Variants in NRG1 observed in about 807,000 individuals in gnomAD.
NRG1 encodes neuregulin 1.
A neutral mutation model predicts 63.8 loss-of-function variants in NRG1; 18 were observed. That is an observed-to-expected ratio of 0.28 (90% CI 0.19 to 0.42). NRG1 has a LOEUF of 0.42. NRG1 is among the 10% of genes least tolerant of loss of function. NRG1 has a pLI of 1.00. For missense variants in NRG1, 762 were observed against 814.7 expected, an observed-to-expected ratio of 0.94 and a Z score of 0.79; for synonymous variants, 302 against 301.3, an observed-to-expected ratio of 1.00 and a Z score of -0.02.
At chr8:32,609,841 T>G (rs1436565385) in intron 3 of NRG1, among the ~76,000 whole-genome samples, 1 of 151,326 alleles carries the variant, frequency 6.6e-6, no homozygotes, top group African/African-American at 2.4e-5. Context: ...CCCAGCTAAT[T>G]TTTGTATTTC....
rs926611930 is a variant in NRG1 at position 32,732,448 on chromosome 8, T to C, written c.632+4370T>C. 2.0e-5 allele frequency among the ~76,000 whole-genome samples: 3 copies of C among 152,168 alleles called. No homozygotes were observed. The East Asian group carries it at 5.8e-4, about 29-fold the overall frequency. ...TTTTTAATCTAAAAATTATTTTATATCAGGCTGTGCTTATAAGTCCAACAT... is the reference window on the plus strand; with the variant it reads ...TTTTTAATCTAAAAATTATTTTATACCAGGCTGTGCTTATAAGTCCAACAT... On this transcript the variant is annotated intron_variant, in intron 6 of 11. Transcript: ENST00000356819.
At chr8:31,921,170 C>T (rs985153015) in intron 1 of NRG1, among the ~76,000 whole-genome samples, 2 of 152,066 alleles carry the variant, frequency 1.3e-5, no homozygotes, top group Non-Finnish European at 2.9e-5. Flanking sequence ...ATGTGAAATG[C>T]ATCAATTTTA....
chr8:31,679,987 C>G (rs1486273889), intron 1 of NRG1, among the ~76,000 whole-genome samples: 2 of 151,870 alleles, frequency 1.3e-5, no homozygotes, highest in Non-Finnish European at 2.9e-5. Context: ...AGGAAAAACT[C>G]TTAGAAAAAC....
intron 1 of NRG1, among the ~76,000 whole-genome samples, chr8:31,839,426 T>A (rs1361031475): frequency 6.6e-6 from 1 of 152,220 alleles, no homozygotes; most frequent in Non-Finnish European, 1.5e-5. Flanking sequence ...TGCTTCTTTT[T>A]TTCAAGGGAG....
At chr8:32,012,816 C>A (rs1212404602) in intron 1 of NRG1, among the ~76,000 whole-genome samples, 2 of 152,078 alleles carry the variant, frequency 1.3e-5, no homozygotes, top group African/African-American at 4.8e-5. Flanking sequence ...ATTATTATTA[C>A]ATAACAGAGA....
At chr8:32,348,592 T>G (rs1038255400) in intron 1 of NRG1, among the ~76,000 whole-genome samples, 2 of 152,182 alleles carry the variant, frequency 1.3e-5, no homozygotes, top group Non-Finnish European at 2.9e-5. Context: ...GAAAAATCCT[T>G]TATAGCCACT....
intron 1 of NRG1, among the ~76,000 whole-genome samples, chr8:31,679,106 C>T (rs1808050442): frequency 6.6e-6 from 1 of 151,996 alleles, no homozygotes; most frequent in Non-Finnish European, 1.5e-5. Flanking sequence ...GCACATGCTT[C>T]TTCTTTTGCA....
chr8:31,959,355 A>G (rs932722258), intron 1 of NRG1, among the ~76,000 whole-genome samples: 1 of 152,220 alleles, frequency 6.6e-6, no homozygotes, highest in African/African-American at 2.4e-5. Context: ...TAAAACATAT[A>G]TGTATTACCT....
chr8:31,888,006 G>A (rs1331681862), intron 1 of NRG1, among the ~76,000 whole-genome samples: 1 of 150,572 alleles, frequency 6.6e-6, no homozygotes, highest in Non-Finnish European at 1.5e-5. Context: ...TATAAACCTA[G>A]GATATAAACC....
At chr8:31,805,328 G>A (rs1399228619) in intron 1 of NRG1, among the ~76,000 whole-genome samples, 3 of 151,788 alleles carry the variant, frequency 2.0e-5, no homozygotes, top group African/African-American at 7.3e-5. Flanking sequence ...TTTAGAATAG[G>A]AGAAACATTT....
In NRG1 at chr8:32,169,387, G is replaced by A. The variant is rs62497565; in HGVS notation, c.38-426441G>A. Reference sequence around the variant, plus strand: ...TGTTGAAAACTTGTAGTGATGAAACGTGTAGGATTTGCGATTTGTCGGAGT... The same window carrying A: ...TGTTGAAAACTTGTAGTGATGAAACATGTAGGATTTGCGATTTGTCGGAGT... On this transcript the variant is annotated intron_variant, in intron 1 of 10. Coordinates refer to the NRG1 transcript ENST00000519301. 8.1e-3 allele frequency among the ~76,000 whole-genome samples: 1,240 copies of A among 152,306 alleles called. 12 individuals are homozygous for A. Among genetic ancestry groups the A allele is most frequent in the Non-Finnish European group, 0.012 (834 of 68,022 alleles).
intron 5 of NRG1, among the ~76,000 whole-genome samples, chr8:32,681,321 G>C (rs1455161956): frequency 6.6e-6 from 1 of 152,126 alleles, no homozygotes; most frequent in Non-Finnish European, 1.5e-5. Context: ...GGTTCTTTAC[G>C]TGTTCTTCTT....
intron 1 of NRG1, among the ~76,000 whole-genome samples, chr8:32,332,383 G>A (rs969045026): frequency 6.6e-6 from 1 of 152,090 alleles, no homozygotes; most frequent in African/African-American, 2.4e-5. Flanking sequence ...TGTTAGTCTA[G>A]GTTTATTCTG....
chr8:32,667,055 G>A (rs899027492), intron 5 of NRG1, among the ~76,000 whole-genome samples: 1 of 152,104 alleles, frequency 6.6e-6, no homozygotes, highest in Non-Finnish European at 1.5e-5. Flanking sequence ...ATCGCTGTAC[G>A]AACATCATAG....
chr8:31,840,388 A>T (rs1360932465), intron 1 of NRG1, among the ~76,000 whole-genome samples: 2 of 131,916 alleles, frequency 1.5e-5, no homozygotes, highest in African/African-American at 5.7e-5. Context: ...AATGGAAACC[A>T]TTACAATTTC....
intron 1 of NRG1, among the ~76,000 whole-genome samples, chr8:32,161,188 G>T (rs1211373748): frequency 1.3e-5 from 2 of 151,884 alleles, no homozygotes; most frequent in Non-Finnish European, 2.9e-5. Flanking sequence ...GATTAAAACT[G>T]GTAATATATC....
intron 1 of NRG1, among the ~76,000 whole-genome samples, chr8:32,469,358 A>G (rs79696080): frequency 0.013 from 1,999 of 152,314 alleles, 48 homozygotes; most frequent in African/African-American, 0.045. Flanking sequence ...AAACAAGCAC[A>G]CTGGGACTGT....
intron 5 of NRG1, among the ~76,000 whole-genome samples, chr8:32,710,704 G>T (rs961138746): frequency 7.2e-5 from 11 of 152,146 alleles, no homozygotes; most frequent in Admixed American, 6.5e-4. Context: ...CTGGCACTAT[G>T]TGGTCACATC....
At chr8:32,277,000 A>G (rs1852177723) in intron 1 of NRG1, among the ~76,000 whole-genome samples, 1 of 152,206 alleles carries the variant, frequency 6.6e-6, no homozygotes, top group African/African-American at 2.4e-5. Flanking sequence ...TGCAAGTCAA[A>G]GGCCTTTTGA....
Sources: allele counts gnomAD v4.1 joint callset (sites outside exome capture counted in the v4.1 genomes callset), GRCh38; gene constraint gnomAD v4.1.1; transcripts MANE v1.5; gene names NCBI Gene and HGNC (gene_info 2026-07-23, HGNC 2026-07-21).